SYT1: variants seen among roughly 807,000 people sequenced by gnomAD.
SYT1 encodes the protein synaptotagmin-1.
A neutral mutation model predicts 44.8 loss-of-function variants in SYT1; 8 were observed. The observed-to-expected ratio is 0.18, with a 90% CI of 0.10 to 0.32. The LOEUF (loss-of-function observed/expected upper bound fraction) is 0.32. Among genes scored for constraint, SYT1 ranks in the 10% least tolerant of loss-of-function variants. The pLI is 1.00. For missense variants in SYT1, 286 were observed against 509.3 expected (o/e 0.56, Z 4.22); for synonymous variants, 154 against 188.8 (o/e 0.82, Z 1.51).
At chr12:79,249,088 CTTTTT>C (rs58983623) in intron 4 of SYT1, among the ~76,000 whole-genome samples, 131 of 71,804 alleles carry the variant, frequency 1.8e-3, no homozygotes, top group African/African-American at 7.9e-3. Flanking sequence ...TTACCTCTTT[CTTTTT>C]TTTTTTTTTT....
At chr12:79,353,450 C>G (rs1012863368) in intron 8 of SYT1, 52 bp from the exon 9 acceptor site, 1 of 1,302,816 alleles carries the variant, frequency 7.7e-7, no homozygotes, top group Non-Finnish European at 1.1e-6. Context: ...TGTTAAAACT[C>G]TATTTACTTG....
intron 1 of SYT1, among the ~76,000 whole-genome samples, chr12:78,898,053 G>T (rs1366444411): frequency 6.6e-6 from 1 of 151,974 alleles, no homozygotes; most frequent in African/African-American, 2.4e-5. Context: ...ATTCATAAAC[G>T]CTTGAATGTC....
At chr12:79,421,940 T>C (rs1241754355) in intron 9 of SYT1, among the ~76,000 whole-genome samples, 2 of 152,124 alleles carry the variant, frequency 1.3e-5, no homozygotes, top group Non-Finnish European at 2.9e-5. Flanking sequence ...ATACTTTTCC[T>C]GTTCCATTTA....
At chr12:79,288,044 G>C (rs1275146612) in intron 5 of SYT1, among the ~76,000 whole-genome samples, 2 of 152,068 alleles carry the variant, frequency 1.3e-5, no homozygotes, top group Non-Finnish European at 2.9e-5. Flanking sequence ...TAAATTCACA[G>C]AATAAGGTAC....
At chr12:79,234,160 G>A (rs7298799) in intron 4 of SYT1, among the ~76,000 whole-genome samples, 106,316 of 152,014 alleles carry the variant, frequency 0.7, 37,609 homozygotes, top group African/African-American at 0.75. Context: ...TCTGCCTCTG[G>A]CATTTTTCTA....
chr12:78,983,970 T>C (rs1869452248), intron 2 of SYT1, among the ~76,000 whole-genome samples: 1 of 152,000 alleles, frequency 6.6e-6, no homozygotes, highest in African/African-American at 2.4e-5. Flanking sequence ...CAATTAATGA[T>C]ACTGTCCTTT....
At chr12:79,204,771 G>T (rs1292627881) in intron 3 of SYT1, among the ~76,000 whole-genome samples, 16 of 119,240 alleles carry the variant, frequency 1.3e-4, no homozygotes, top group Non-Finnish European at 2.6e-4. Flanking sequence ...CTTTGCTCCT[G>T]TTGTAACTTT....
rs200937094 is a variant in SYT1 at position 79,022,323 on chromosome 12, A to G, written c.-83-24974A>G. On this transcript the variant is annotated intron_variant, in intron 2 of 10. Coordinates refer to ENST00000261205, the MANE Select transcript of SYT1 (RefSeq NM_005639.3). Reference sequence around the variant, plus strand: ...TCAAACTCAGTATTGTTACTCCAAAACAACTACATGGTCTGCTACGTCAGT... The same window carrying G: ...TCAAACTCAGTATTGTTACTCCAAAGCAACTACATGGTCTGCTACGTCAGT... 2.0e-5 allele frequency among the ~76,000 whole-genome samples: 3 copies of G among 152,000 alleles called. No individual in the cohort carries two copies. In the East Asian group the frequency reaches 5.8e-4, roughly 30 times the overall value.
intron 9 of SYT1, among the ~76,000 whole-genome samples, chr12:79,401,231 C>T (rs886285848): frequency 3.3e-5 from 5 of 152,020 alleles, no homozygotes; most frequent in African/African-American, 1.2e-4. Flanking sequence ...TACCGAATAT[C>T]AAGAAAGTAC....
At chr12:79,444,353 T>TAC in intron 10 of SYT1, 147 bp downstream of exon 10, 1 of 1,049,138 alleles carries the variant, frequency 9.5e-7, no homozygotes, top group Non-Finnish European at 1.4e-6. Flanking sequence ...ATGCTTGAGC[T>TAC]ACATCAGGAA....
At chr12:79,112,612 A>G (rs142918390) in intron 3 of SYT1, among the ~76,000 whole-genome samples, 105 of 152,256 alleles carry the variant, frequency 6.9e-4, no homozygotes, top group African/African-American at 2.3e-3. Flanking sequence ...AAAATGATAA[A>G]GTAGCATCAC....
intron 4 of SYT1, among the ~76,000 whole-genome samples, chr12:79,235,604 T>G (rs1340065286): frequency 6.7e-6 from 1 of 148,844 alleles, no homozygotes; most frequent in Non-Finnish European, 1.5e-5. Flanking sequence ...ATTTCATATA[T>G]AGATATAAAT....
intron 2 of SYT1, among the ~76,000 whole-genome samples, chr12:79,008,886 T>C (rs1871251424): frequency 6.6e-6 from 1 of 152,136 alleles, no homozygotes; most frequent in Non-Finnish European, 1.5e-5. Context: ...TAAAACTCCA[T>C]GAACTGATTT....
chr12:78,973,421 C>T (rs1429847035), intron 1 of SYT1, among the ~76,000 whole-genome samples: 1 of 152,046 alleles, frequency 6.6e-6, no homozygotes, highest in Non-Finnish European at 1.5e-5. Context: ...CACCCCAGGC[C>T]CTGATAACCG....
At chr12:79,309,569 AG>A in intron 8 of SYT1, among the ~76,000 whole-genome samples, 1 of 152,314 alleles carries the variant, frequency 6.6e-6, no homozygotes, top group South Asian at 2.1e-4. Context: ...GATTTTTAAA[AG>A]CAGAAGATTC....
chr12:78,911,533 G>GA (rs35754652), intron 1 of SYT1, among the ~76,000 whole-genome samples: 116,065 of 151,262 alleles, frequency 0.77, 45,084 homozygotes, highest in African/African-American at 0.87. Context: ...GACCTGGAAA[G>GA]ACATGGTTTA....
At chr12:79,019,898 C>T (rs1157846374) in intron 2 of SYT1, among the ~76,000 whole-genome samples, 1 of 151,806 alleles carries the variant, frequency 6.6e-6, no homozygotes, top group East Asian at 1.9e-4. Flanking sequence ...TTCCTTTTCA[C>T]ACCTCTACAA....
chr12:78,979,882 TA>T (rs1164070113), intron 2 of SYT1, among the ~76,000 whole-genome samples: 1 of 152,060 alleles, frequency 6.6e-6, no homozygotes, highest in Non-Finnish European at 1.5e-5. Context: ...GCTTTGTAAA[TA>T]ACAAGTCTAT....
At chr12:79,404,833 G>C (rs1885190052) in intron 9 of SYT1, among the ~76,000 whole-genome samples, 1 of 152,156 alleles carries the variant, frequency 6.6e-6, no homozygotes, top group African/African-American at 2.4e-5. Context: ...GAAAAAGATT[G>C]TCAAGGAGCA....
Sources: gnomAD v4.1 joint callset for allele counts (sites outside exome capture counted in the v4.1 genomes callset) on GRCh38, gnomAD v4.1.1 for gene constraint, MANE v1.5 for transcripts, NCBI Gene and HGNC (gene_info 2026-07-23, HGNC 2026-07-21) for gene names.